PDE4C: variants seen among roughly 807,000 people sequenced by gnomAD.
PDE4C encodes 3',5'-cyclic-AMP phosphodiesterase 4C.
PDE4C carries 50 observed loss-of-function variants against 63.9 expected under a neutral mutation model. The observed-to-expected ratio is 0.78, with a 90% confidence interval of 0.62 to 0.99. PDE4C has a LOEUF of 0.99. Among genes scored for constraint, PDE4C ranks in the 50% least tolerant of loss-of-function variants. The pLI is 0.00. For synonymous variants in PDE4C, 377 were observed against 385.1 expected (o/e 0.98, Z 0.25); for missense variants, 777 against 899.1 (o/e 0.86, Z 1.74).
At chr19:18,236,640 T>C (rs1473424305), upstream of PDE4C, among the ~76,000 whole-genome samples, 1 of 152,178 alleles carries the variant, frequency 6.6e-6, no homozygotes, top group Non-Finnish European at 1.5e-5. Context: ...ATGATTACTT[T>C]GTCCTGTCTC....
At chr19:18,227,444 C>T (rs1968763596), upstream of PDE4C, among the ~76,000 whole-genome samples, 1 of 152,198 alleles carries the variant, frequency 6.6e-6, no homozygotes, top group Non-Finnish European at 1.5e-5. Flanking sequence ...ATCACCTCTG[C>T]CAAGTCTTCT....
chr19:18,209,100 CCT>C (rs1264077746), downstream of PDE4C: 2 of 151,610 alleles, frequency 1.3e-5, no homozygotes, highest in Non-Finnish European at 2.9e-5. Flanking sequence ...CACAGAGCCC[CCT>C]CTTTTTATTG....
intron 12 of PDE4C, 108 bp from the exon 13 acceptor site, chr19:18,213,598 A>G: frequency 8.2e-7 from 1 of 1,213,754 alleles, no homozygotes; most frequent in Non-Finnish European, 1.1e-6. Context: ...TCTGGGCCTC[A>G]GCATACTCAT....
chr19:18,224,490 C>T, intron 1 of PDE4C: 1 of 985,472 alleles, frequency 1.0e-6, no homozygotes, highest in Non-Finnish European at 1.2e-6. Context: ...CTGATCACGT[C>T]GAATTGGACT....
upstream of PDE4C, chr19:18,248,285 G>A (rs1969168323): frequency 2.2e-6 from 1 of 452,990 alleles, no homozygotes; most frequent in Non-Finnish European, 4.4e-6. Flanking sequence ...CCACTCAGCG[G>A]AGCCCCTTAA....
At position 18,211,569 on chromosome 19, in the gene PDE4C, C is replaced by T. The variant is rs1010143827; in HGVS notation, c.1695+190G>A. 1.1e-4 allele frequency among the ~76,000 whole-genome samples: 16 copies of T among 152,310 alleles called. No homozygotes were observed. The East Asian group carries it at 2.7e-3, about 26-fold the overall frequency. Reference sequence around the variant, plus strand: ...CACCTAGAACAGATGTTTCCAAACCCCAGAAGTGCATGTCCCTCTCCCTGA... The same window carrying T: ...CACCTAGAACAGATGTTTCCAAACCTCAGAAGTGCATGTCCCTCTCCCTGA... On this transcript the variant is annotated intron_variant, in intron 14 of 14. Transcript: ENST00000262805.
chr19:18,233,130 C>T (rs1239511462), exon 1 of PDE4C: 1 of 1,558,756 alleles, frequency 6.4e-7, no homozygotes, highest in Non-Finnish European at 8.7e-7. Flanking sequence ...GCTGTGGCGG[C>T]CGCGAGAGCG....
At chr19:18,214,321 C>A (rs1245286627) in intron 12 of PDE4C, among the ~76,000 whole-genome samples, 1 of 151,768 alleles carries the variant, frequency 6.6e-6, no homozygotes, top group Non-Finnish European at 1.5e-5. Flanking sequence ...CCAACCCCAA[C>A]TGTGACCCCA....
exon 15 of PDE4C, chr19:18,211,042 C>A: frequency 6.2e-7 from 1 of 1,614,248 alleles, no homozygotes; most frequent in Non-Finnish European, 8.5e-7. Context: ...GTCTCTTCCC[C>A]CTCCTCTTCT....
chr19:18,226,693 C>A (rs770015176), upstream of PDE4C, among the ~76,000 whole-genome samples: 1 of 147,666 alleles, frequency 6.8e-6, no homozygotes, highest in Non-Finnish European at 1.5e-5. Flanking sequence ...GCAGCCTCAA[C>A]TTCCTGGGCT....
intron 4 of PDE4C, 56 bp downstream of exon 4, chr19:18,221,049 T>TCCGCCAGGCCCCCCCCCCCCCCC: frequency 3.2e-6 from 4 of 1,239,964 alleles, no homozygotes; most frequent in Non-Finnish European, 4.6e-6. Context: ...CAGCCCGCTT[T>TCCGCCAGGCCCCCCCCCCCCCCC]CCGCCCACCT....
At chr19:18,235,944 G>T (rs1052751232), upstream of PDE4C, among the ~76,000 whole-genome samples, 1 of 151,620 alleles carries the variant, frequency 6.6e-6, no homozygotes, top group Non-Finnish European at 1.5e-5. Flanking sequence ...ACTGTTTTTT[G>T]TTTGTTTGTT....
upstream of PDE4C, among the ~76,000 whole-genome samples, chr19:18,238,497 C>T (rs1216730979): frequency 1.3e-5 from 2 of 151,902 alleles, no homozygotes; most frequent in African/African-American, 4.8e-5. Context: ...CTTGGCCTCC[C>T]AAAGTGTGGG....
intron 14 of PDE4C, 105 bp from the exon 15 acceptor site, chr19:18,211,381 G>T: frequency 2.1e-6 from 2 of 940,850 alleles, no homozygotes; most frequent in South Asian, 3.6e-5. Flanking sequence ...TGCCTGGAAT[G>T]CCGCTTCCCA....
At chr19:18,243,877 CAA>C (rs1969086025) in intron 1 of PDE4C, among the ~76,000 whole-genome samples, 2 of 152,000 alleles carry the variant, frequency 1.3e-5, no homozygotes, top group Non-Finnish European at 2.9e-5. Flanking sequence ...ATTTTTGAGA[CAA>C]AGTCTCACTC....
upstream of PDE4C, among the ~76,000 whole-genome samples, chr19:18,228,672 C>T (rs1323586611): frequency 1.3e-5 from 2 of 152,152 alleles, no homozygotes. Context: ...ACAGTTCTAA[C>T]AGGAAGGTGT....
chr19:18,248,940 G>A (rs543581953), upstream of PDE4C, among the ~76,000 whole-genome samples: 4 of 151,476 alleles, frequency 2.6e-5, no homozygotes, highest in Admixed American at 6.6e-5. Context: ...CAGGAGAATC[G>A]TTTGAACCCA....
At chr19:18,232,686 A>ACG (rs1429687798) in intron 1 of PDE4C, among the ~76,000 whole-genome samples, 20 of 139,752 alleles carry the variant, frequency 1.4e-4, no homozygotes, top group African/African-American at 4.3e-4. Flanking sequence ...CCCCAGTCTC[A>ACG]CGCGCGCGCG....
At chr19:18,216,174 C>T (rs1051110376) in intron 12 of PDE4C, among the ~76,000 whole-genome samples, 2 of 151,886 alleles carry the variant, frequency 1.3e-5, no homozygotes, top group African/African-American at 4.8e-5. Context: ...GCACCTGACA[C>T]CCCAGAAACG....
Sources: gnomAD v4.1 joint callset for allele counts (sites outside exome capture counted in the v4.1 genomes callset) on GRCh38, gnomAD v4.1.1 for gene constraint, MANE v1.5 for transcripts, NCBI Gene and HGNC (gene_info 2026-07-23, HGNC 2026-07-21) for gene names.